PDE8B: variants seen among roughly 807,000 people sequenced by gnomAD.
PDE8B encodes the protein phosphodiesterase 8B.
In PDE8B, 26 loss-of-function variants were observed where a neutral mutation model predicts 101.3. The observed-to-expected ratio is 0.26, with a 90% CI of 0.19 to 0.36. The LOEUF is 0.36. Among genes scored for constraint, PDE8B ranks in the 10% least tolerant of loss-of-function variants. The probability of loss-of-function intolerance (pLI) is 1.00; values close to 1 mark genes in which losing one functional copy is unlikely to be tolerated. For synonymous variants in PDE8B, 424 were observed against 429.3 expected, an observed-to-expected ratio of 0.99 and a Z score of 0.15; for missense variants, 810 against 1,163.1, an observed-to-expected ratio of 0.70 and a Z score of 4.42.
At position 77,419,682 on chromosome 5, in the gene PDE8B, G is replaced by A; in HGVS notation, c.2130-85G>A. ...CTGTGCCCCAGCTTCCTCCTAGGTT[G>A]TGAGGAGTGTAGTGAAATGGTGGCA... is the stretch of plus-strand genomic sequence containing the variant. On this transcript the variant is annotated intron_variant, in intron 18 of 21. Transcript: ENST00000264917. 3 of 1,486,470 alleles carry A rather than the reference G, an allele frequency of 2.0e-6. No homozygotes were observed. The South Asian group carries it at 3.4e-5, about 17-fold the overall frequency. 92.1% of individuals were successfully genotyped at this position (1,486,470 alleles called of 1,614,324 possible).
At chr5:77,342,500 T>C (rs534309534) in intron 6 of PDE8B, among the ~76,000 whole-genome samples, 1 of 148,512 alleles carries the variant, frequency 6.7e-6, no homozygotes, top group Non-Finnish European at 1.5e-5. Flanking sequence ...TGGAAAAAAA[T>C]AACATTTTTC....
intron 1 of PDE8B, among the ~76,000 whole-genome samples, chr5:77,220,025 T>C (rs1046195223): frequency 2.0e-5 from 3 of 152,188 alleles, no homozygotes; most frequent in African/African-American, 7.2e-5. Context: ...ACAGAACACC[T>C]AGGCGGGTAA....
At chr5:77,145,468 T>C in the PDE8B span, 1 of 152,222 alleles carries the variant, frequency 6.6e-6, no homozygotes, top group Admixed American at 6.5e-5. Flanking sequence ...GTAGTGATTG[T>C]ACAAGCTTTT....
the PDE8B span, among the ~76,000 whole-genome samples, chr5:77,167,102 A>G: frequency 6.6e-6 from 1 of 152,240 alleles, no homozygotes; most frequent in African/African-American, 2.4e-5. Flanking sequence ...GCCTGGCAGC[A>G]TGTGAATTGG....
At chr5:77,348,916 A>T (rs1312405907) in intron 7 of PDE8B, among the ~76,000 whole-genome samples, 6 of 152,134 alleles carry the variant, frequency 3.9e-5, no homozygotes, top group Admixed American at 3.9e-4. Context: ...TCTTGGGCCC[A>T]ACTGATCCTC....
At chr5:77,307,363 A>G (rs1561502312) in intron 1 of PDE8B, among the ~76,000 whole-genome samples, 1 of 152,138 alleles carries the variant, frequency 6.6e-6, no homozygotes, top group Middle Eastern at 3.4e-3. Flanking sequence ...CTCTTTCTCA[A>G]CTTCAAAGTG....
chr5:77,271,414 T>C (rs1437702305), intron 1 of PDE8B, among the ~76,000 whole-genome samples: 4 of 152,144 alleles, frequency 2.6e-5, no homozygotes, highest in African/African-American at 9.7e-5. Context: ...GAGTGGAATC[T>C]AGATGACAAA....
At chr5:77,099,203 G>A in the PDE8B span, among the ~76,000 whole-genome samples, 3 of 152,186 alleles carry the variant, frequency 2.0e-5, no homozygotes, top group African/African-American at 7.2e-5. Context: ...TTGAAACATA[G>A]TGCGCTAAGC....
chr5:77,404,685 C>G, intron 11 of PDE8B, 35 bp from the exon 12 acceptor site: 2 of 1,237,346 alleles, frequency 1.6e-6, no homozygotes, highest in Non-Finnish European at 2.4e-6. Context: ...ACACGGAAAA[C>G]TAATCACCTT....
chr5:77,193,004 A>G, the PDE8B span, among the ~76,000 whole-genome samples: 1 of 151,970 alleles, frequency 6.6e-6, no homozygotes, highest in Non-Finnish European at 1.5e-5. Flanking sequence ...TGCTCTAAAT[A>G]TTTTGCCCAA....
At chr5:77,422,982 T>G (rs1248303008) in intron 20 of PDE8B, among the ~76,000 whole-genome samples, 1 of 152,216 alleles carries the variant, frequency 6.6e-6, no homozygotes, top group Admixed American at 6.5e-5. Flanking sequence ...GTAAACATAG[T>G]ACCCAATAAG....
chr5:77,344,899 A>G lies in PDE8B; in HGVS notation c.844A>G (p.Ile282Val), dbSNP rs752717678. The G allele has an allele frequency of 3.7e-6, 6 of 1,611,968 alleles. No homozygotes were observed. Among genetic ancestry groups the G allele is most frequent in the Non-Finnish European group, 5.1e-6 (6 of 1,177,962 alleles). ...AGCATTAGATCACTGTCATGAAGCCATAGAAATAACAAGCGATGACCACGT... is the reference window on the plus strand; with the variant it reads ...AGCATTAGATCACTGTCATGAAGCCGTAGAAATAACAAGCGATGACCACGT... ...FTALDHCHEAIEITSDDHVIQ... is the reference protein window; with the variant it reads ...FTALDHCHEAVEITSDDHVIQ... Residue 282 changes from isoleucine to valine, a missense_variant, in exon 7 of 22, where the codon ATA becomes GTA. Physicochemically the swap from Ile to Val is conservative, Grantham distance 29. Transcript: ENST00000264917.
At chr5:77,415,351 ATTTTTTT>A (rs71606293) in intron 17 of PDE8B, among the ~76,000 whole-genome samples, 3 of 88,736 alleles carry the variant, frequency 3.4e-5, no homozygotes, top group Non-Finnish European at 6.2e-5. Flanking sequence ...ATAAGCTAAA[ATTTTTTT>A]TTTTTTTTTT....
At chr5:77,112,793 T>C in the PDE8B span, 1 of 152,192 alleles carries the variant, frequency 6.6e-6, no homozygotes, top group African/African-American at 2.4e-5. Context: ...AAAATCTCCT[T>C]AAGCTGATAA....
chr5:77,352,057 G>A (rs982844705), intron 9 of PDE8B, among the ~76,000 whole-genome samples: 2 of 152,140 alleles, frequency 1.3e-5, no homozygotes, highest in African/African-American at 2.4e-5. Context: ...TTCAGGCTAC[G>A]TCCCGTCAAT....
intron 13 of PDE8B, 132 bp from the exon 14 acceptor site, chr5:77,408,761 G>A (rs998126247): frequency 7.8e-5 from 59 of 760,380 alleles, no homozygotes; most frequent in South Asian, 7.3e-4. Flanking sequence ...GAAGGGCGGT[G>A]CCGTGAAAGC....
intron 1 of PDE8B, among the ~76,000 whole-genome samples, chr5:77,265,742 T>A (rs530986019): frequency 6.6e-6 from 1 of 152,340 alleles, no homozygotes; most frequent in South Asian, 2.1e-4. Flanking sequence ...AGAATGTTCT[T>A]TGGGTATTCT....
chr5:77,147,771 C>T, the PDE8B span: 9 of 152,206 alleles, frequency 5.9e-5, no homozygotes, highest in Admixed American at 2.6e-4. Context: ...CTCAGTCTGA[C>T]AACCTGCAAG....
At chr5:77,282,522 T>G (rs914794672) in intron 1 of PDE8B, among the ~76,000 whole-genome samples, 2 of 152,082 alleles carry the variant, frequency 1.3e-5, no homozygotes, top group African/African-American at 4.8e-5. Flanking sequence ...AAGTCAGACA[T>G]GAGAGTGCTG....
Sources: allele counts gnomAD v4.1 joint callset (sites outside exome capture counted in the v4.1 genomes callset), GRCh38; gene constraint gnomAD v4.1.1; transcripts MANE v1.5; gene names NCBI Gene and HGNC (gene_info 2026-07-23, HGNC 2026-07-21).